Variants in EPB41L4B observed in about 807,000 individuals in gnomAD.
EPB41L4B encodes the protein band 4.1-like protein 4B.
EPB41L4B carries 30 observed loss-of-function variants against 112.5 expected under a neutral mutation model. The ratio of observed to expected loss-of-function variants is 0.27; its 90% CI spans 0.20 to 0.36. The LOEUF is 0.36. Ranked by LOEUF, EPB41L4B falls within the 10% of genes least tolerant of loss-of-function variation. The pLI, the probability that EPB41L4B is intolerant of heterozygous loss-of-function variation, is 1.00. For synonymous variants in EPB41L4B, 408 were observed against 439.7 expected (o/e 0.93, Z 0.90); for missense variants, 1,024 against 1,133.3 (o/e 0.90, Z 1.38).
chr9:109,306,111 G>A (rs1284305558), intron 1 of EPB41L4B, among the ~76,000 whole-genome samples: 1 of 152,070 alleles, frequency 6.6e-6, no homozygotes, highest in Non-Finnish European at 1.5e-5. Flanking sequence ...ACTAGCTGTG[G>A]GATATGGGGC....
intron 20 of EPB41L4B, among the ~76,000 whole-genome samples, chr9:109,199,536 GCTTATAC>G (rs1832752261): frequency 1.3e-5 from 2 of 152,112 alleles, no homozygotes; most frequent in African/African-American, 4.8e-5. Flanking sequence ...AGGCTTATTG[GCTTATAC>G]CTGTAATCCC....
At chr9:109,176,408 T>G in intron 25 of EPB41L4B, 143 bp downstream of exon 25, 2 of 993,690 alleles carry the variant, frequency 2.0e-6, no homozygotes, top group Non-Finnish European at 1.4e-6. Context: ...CCTGGCCCCT[T>G]TATAGACATT....
chr9:109,238,427 A>C (rs1305139298), intron 15 of EPB41L4B, among the ~76,000 whole-genome samples: 1 of 152,230 alleles, frequency 6.6e-6, no homozygotes, highest in African/African-American at 2.4e-5. Context: ...CCTTCAGACC[A>C]GCCCAGAGAT....
chr9:109,260,392 C>T (rs1372669025), intron 6 of EPB41L4B, among the ~76,000 whole-genome samples: 1 of 146,944 alleles, frequency 6.8e-6, no homozygotes, highest in East Asian at 2.1e-4. Flanking sequence ...TTCTATCTGA[C>T]ATAACAATCA....
At chr9:109,196,081 G>C (rs1832630475) in intron 20 of EPB41L4B, 1 of 151,326 alleles carries the variant, frequency 6.6e-6, no homozygotes, top group Non-Finnish European at 1.5e-5. Context: ...TATGAACCCT[G>C]GTTATTTTTG....
intron 1 of EPB41L4B, among the ~76,000 whole-genome samples, chr9:109,289,043 C>T (rs1836420706): frequency 6.6e-6 from 1 of 152,150 alleles, no homozygotes; most frequent in Admixed American, 6.5e-5. Flanking sequence ...ACCCACCTTT[C>T]CTGTGTTTGC....
chr9:109,244,537 C>T (rs892373529), intron 14 of EPB41L4B, among the ~76,000 whole-genome samples: 3 of 139,690 alleles, frequency 2.1e-5, no homozygotes, highest in Non-Finnish European at 4.6e-5. Context: ...CTCCTGGGTT[C>T]AAGCGATTCT....
chr9:109,184,630 T>A (rs1832190147), intron 23 of EPB41L4B, among the ~76,000 whole-genome samples: 1 of 152,276 alleles, frequency 6.6e-6, no homozygotes, highest in Middle Eastern at 3.2e-3. Flanking sequence ...ACACTCTGTG[T>A]TGCTAAGGCT....
intron 1 of EPB41L4B, among the ~76,000 whole-genome samples, chr9:109,282,041 T>C (rs1836083743): frequency 6.6e-6 from 1 of 152,216 alleles, no homozygotes; most frequent in African/African-American, 2.4e-5. Context: ...AACTGTACAA[T>C]GGACTATCAT....
intron 15 of EPB41L4B, among the ~76,000 whole-genome samples, chr9:109,226,402 C>A (rs145452827): frequency 6.6e-6 from 1 of 151,974 alleles, no homozygotes; most frequent in Non-Finnish European, 1.5e-5. Context: ...TTCCCCTTGT[C>A]CCTCCAGCTC....
At chr9:109,199,082 A>C (rs1832737531) in intron 20 of EPB41L4B, among the ~76,000 whole-genome samples, 1 of 152,040 alleles carries the variant, frequency 6.6e-6, no homozygotes, top group Non-Finnish European at 1.5e-5. Context: ...TTTGGATGGG[A>C]ATTGTCAAAG....
rs1415318877 is a variant in EPB41L4B at position 109,289,183 on chromosome 9, C to T, written c.307-9262G>A. 2.0e-5 allele frequency among the ~76,000 whole-genome samples: 3 copies of T among 152,302 alleles called. No individual in the cohort carries two copies. In the South Asian group the frequency reaches 6.2e-4, roughly 32 times the overall value. On this transcript the variant is annotated intron_variant, in intron 1 of 25. Coordinates refer to ENST00000374566, the MANE Select transcript of EPB41L4B (RefSeq NM_019114.5). Reference sequence around the variant, plus strand: ...CTCTGCACCCATCAACCCTGCCTAACCTAATTCAAGTTTTATCCCTCCCAG... The same window carrying T: ...CTCTGCACCCATCAACCCTGCCTAATCTAATTCAAGTTTTATCCCTCCCAG...
chr9:109,190,644 G>T (rs1026389282), intron 22 of EPB41L4B, among the ~76,000 whole-genome samples: 4 of 152,220 alleles, frequency 2.6e-5, no homozygotes, highest in African/African-American at 9.7e-5. Context: ...AACAGGGAAA[G>T]ACACAGACAC....
chr9:109,296,553 G>A (rs529159621), intron 1 of EPB41L4B, among the ~76,000 whole-genome samples: 1 of 152,306 alleles, frequency 6.6e-6, no homozygotes, highest in South Asian at 2.1e-4. Flanking sequence ...GCCTGGGGAT[G>A]AAGGTAGCCT....
At chr9:109,236,254 A>AG (rs541294249) in intron 15 of EPB41L4B, among the ~76,000 whole-genome samples, 5 of 152,196 alleles carry the variant, frequency 3.3e-5, no homozygotes, top group African/African-American at 9.7e-5. Flanking sequence ...GATAGATTGC[A>AG]GGGGGCCAGT....
intron 1 of EPB41L4B, among the ~76,000 whole-genome samples, chr9:109,295,034 A>G (rs1472750866): frequency 1.3e-5 from 2 of 152,098 alleles, no homozygotes; most frequent in African/African-American, 4.8e-5. Flanking sequence ...AATTACTCCA[A>G]ACCATTAACA....
At chr9:109,307,157 G>A (rs376402886) in intron 1 of EPB41L4B, 146 of 415,738 alleles carry the variant, frequency 3.5e-4, no homozygotes, top group Non-Finnish European at 5.2e-4. Flanking sequence ...GTTAATAAAC[G>A]ACATGTTACA....
chr9:109,262,972 G>T (rs12351644), intron 6 of EPB41L4B, 78 bp downstream of exon 6: 2 of 997,372 alleles, frequency 2.0e-6, no homozygotes, highest in South Asian at 2.9e-5. Flanking sequence ...CACTGGGCCT[G>T]GTATACTGTG....
chr9:109,308,991 A>G (rs12236657), intron 1 of EPB41L4B, among the ~76,000 whole-genome samples: 2,324 of 152,236 alleles, frequency 0.015, 52 homozygotes, highest in East Asian at 0.095. Context: ...CAGGAGAATC[A>G]CTTGAATCCT....
Sources: allele counts gnomAD v4.1 joint callset (sites outside exome capture counted in the v4.1 genomes callset), GRCh38; gene constraint gnomAD v4.1.1; transcripts MANE v1.5; gene names NCBI Gene and HGNC (gene_info 2026-07-23, HGNC 2026-07-21).